MGAM: variants seen among roughly 807,000 people sequenced by gnomAD.
MGAM encodes the protein maltase-glucoamylase, also known as alpha-1,4-glucosidase.
In MGAM, 253 loss-of-function variants were observed where a neutral mutation model predicts 358.8. That is an observed-to-expected ratio of 0.71 (90% confidence interval 0.64 to 0.78). MGAM has a LOEUF of 0.78. MGAM is among the 30% of genes least tolerant of loss of function. MGAM has a pLI of 0.00. For missense variants in MGAM, 3,080 were observed against 3,432.6 expected, an observed-to-expected ratio of 0.90 and a Z score of 2.57; for synonymous variants, 1,105 against 1,227.1, an observed-to-expected ratio of 0.90 and a Z score of 2.08.
At position 142,086,593 on chromosome 7, in the gene MGAM, T is replaced by G. The variant is rs80057391; in HGVS notation, c.6748-62T>G. ...AACATGGTTTATATAATAATTTCTTTGGAAATACTATGTAAGGGAAATTGT... is the reference window on the plus strand; with the variant it reads ...AACATGGTTTATATAATAATTTCTTGGGAAATACTATGTAAGGGAAATTGT... On this transcript the variant is annotated intron_variant, in intron 56 of 70. Coordinates refer to ENST00000475668, the MANE Select transcript of MGAM (RefSeq NM_001365693.1). The G allele has an allele frequency of 2.8e-3, 2,385 of 863,336 alleles. 784 individuals carry two copies. Among genetic ancestry groups the G allele is most frequent in the Non-Finnish European group, 2.1e-3 (1,239 of 589,308 alleles). 53.5% of individuals were successfully genotyped at this position (863,336 alleles called of 1,614,324 possible).
At chr7:141,995,872 T>A (rs372088555), upstream of MGAM, 23 of 152,222 alleles carry the variant, frequency 1.5e-4, no homozygotes, top group African/African-American at 5.1e-4. Flanking sequence ...TGTGCTCCTC[T>A]GCTTTTATTG....
intron 50 of MGAM, 92 bp from the exon 51 acceptor site, chr7:142,081,950 A>T: frequency 7.9e-7 from 1 of 1,271,068 alleles, no homozygotes; most frequent in Non-Finnish European, 1.1e-6. Context: ...TCTGGGTAGG[A>T]ATCAAGTGTT....
At chr7:142,022,687 C>A (rs1554459416) in intron 7 of MGAM, among the ~76,000 whole-genome samples, 1 of 152,118 alleles carries the variant, frequency 6.6e-6, no homozygotes, top group Non-Finnish European at 1.5e-5. Context: ...TGAACAGATA[C>A]ATGTAATGTA....
At chr7:142,049,195 C>T (rs537050562) in intron 22 of MGAM, among the ~76,000 whole-genome samples, 1 of 152,164 alleles carries the variant, frequency 6.6e-6, no homozygotes, top group East Asian at 1.9e-4. Flanking sequence ...GAATTTTCTT[C>T]TTTTTATGTC....
At chr7:142,049,250 A>G (rs574717059) in intron 22 of MGAM, among the ~76,000 whole-genome samples, 3 of 152,290 alleles carry the variant, frequency 2.0e-5, no homozygotes, top group Admixed American at 6.5e-5. Flanking sequence ...TTCTTTATTC[A>G]TTCATCCATT....
chr7:141,995,619 C>T (rs2128972785), upstream of MGAM, among the ~76,000 whole-genome samples: 1 of 152,200 alleles, frequency 6.6e-6, no homozygotes, highest in Admixed American at 6.5e-5. Context: ...ACCAGACATA[C>T]AGGGTGTCCT....
At chr7:142,081,243 A>G (rs6972399) in intron 50 of MGAM, among the ~76,000 whole-genome samples, 26,650 of 146,098 alleles carry the variant, frequency 0.18, 6,598 homozygotes, top group African/African-American at 0.5. Context: ...AACAAATAAT[A>G]AGTAAATAAC....
At position 142,093,529 on chromosome 7, in the gene MGAM, C is replaced by A; in HGVS notation, c.7151C>A (p.Ser2384Tyr). 5 of 1,502,546 alleles carry A rather than the reference C, an allele frequency of 3.3e-6. No individual in the cohort carries two copies. In the South Asian group the frequency reaches 6.0e-5, roughly 18 times the overall value. 93.1% of individuals were successfully genotyped at this position (1,502,546 alleles called of 1,614,324 possible). The change falls in exon 60 of 71, where the codon TCC (serine) becomes TAC (tyrosine). Residue 2384 changes from serine (S) to tyrosine (Y), a missense_variant. By Grantham distance (144) the Ser-to-Tyr change is moderately radical. Around this residue, in one of 5 missense-constraint regions of MGAM, gnomAD observed 932 missense variants for 1,198.2 expected, o/e 0.78. Transcript: ENST00000475668. ...HYNVHNLYGW[S>Y]QTRPTYEAVQ... ...AATGTGCACAACCTGTACGGGTGGTCCCAGACCAGACCCACATACGAGTGA... is the reference window on the plus strand; with the variant it reads ...AATGTGCACAACCTGTACGGGTGGTACCAGACCAGACCCACATACGAGTGA...
intron 45 of MGAM, 94 bp downstream of exon 45, chr7:142,074,267 C>T: frequency 1.1e-6 from 1 of 927,118 alleles, no homozygotes; most frequent in Non-Finnish European, 1.6e-6. Flanking sequence ...TGGGAGAAAT[C>T]TCAGCAGGCA....
Position 142,092,556 on chromosome 7 carries a change from A to T in MGAM, c.6981A>T (p.Ala2327=). Residue 2327 remains alanine (A), a synonymous_variant, in exon 59 of 71, where the codon GCA becomes GCT. Transcript: ENST00000475668. Reference sequence around the variant, plus strand: ...AACCATCAAGCTTCGTGAATGGGGCAGTTTCTCCAGGCTGCAGGGATGCCT... The same window carrying T: ...AACCATCAAGCTTCGTGAATGGGGCTGTTTCTCCAGGCTGCAGGGATGCCT... ...MNEPSSFVNG[A]VSPGCRDASL... 1 of 1,549,592 alleles carries T rather than the reference A, an allele frequency of 6.5e-7. No homozygotes were observed. Among genetic ancestry groups the T allele is most frequent in the Non-Finnish European group, 8.9e-7 (1 of 1,129,276 alleles).
At chr7:142,070,949 G>T in intron 43 of MGAM, 45 bp from the exon 44 acceptor site, 1 of 1,551,602 alleles carries the variant, frequency 6.4e-7, no homozygotes, top group Non-Finnish European at 8.9e-7. Context: ...TTCAGGGAGG[G>T]GCCTGTCCTC....
Position 142,031,697 on chromosome 7 carries a change from T to C in MGAM, c.1488T>C (p.Thr496=), listed in dbSNP as rs782785200. The change falls in exon 13 of 71, where the codon ACT becomes ACC. Residue 496 remains threonine (T), a synonymous_variant. Transcript: ENST00000475668. The stretch of plus-strand genomic sequence containing the variant: ...TCCTGAAGGTCTGGCCTGGACAAAC[T>C]GTGTTTCCTGATTATACCAATCCCA... ...PLIGEVWPGQ[T]VFPDYTNPNC... The C allele has an allele frequency of 1.2e-6, 2 of 1,612,362 alleles. No homozygotes were observed. Among genetic ancestry groups the C allele is most frequent in the Admixed American group, 3.3e-5 (2 of 59,964 alleles).
chr7:142,076,092 G>T (rs1322554613), intron 45 of MGAM, 111 bp from the exon 46 acceptor site: 2 of 847,410 alleles, frequency 2.4e-6, no homozygotes, highest in Non-Finnish European at 3.9e-6. Context: ...TAAGGTAAAG[G>T]AAATACTGCC....
At chr7:142,033,123 A>G (rs1217154247) in intron 14 of MGAM, among the ~76,000 whole-genome samples, 2 of 152,216 alleles carry the variant, frequency 1.3e-5, no homozygotes, top group African/African-American at 4.8e-5. Flanking sequence ...GCAATCTAGT[A>G]CTTCTACTTA....
At position 142,106,097 on chromosome 7, in the gene MGAM, C is replaced by G; in HGVS notation, c.*206C>G. On this transcript the variant is annotated 3_prime_UTR_variant, in exon 71 of 71. Coordinates refer to ENST00000475668, the MANE Select transcript of MGAM (RefSeq NM_001365693.1). The stretch of plus-strand genomic sequence containing the variant: ...AGGCAGTTAGGGAGGTGTGGAAAAT[C>G]TATGCATTACCTTAATGTCTCTGTG... 1 of 477,022 alleles carries G rather than the reference C, an allele frequency of 2.1e-6. No individual in the cohort carries two copies. Among genetic ancestry groups the G allele is most frequent in the Non-Finnish European group, 3.9e-6 (1 of 259,052 alleles). 29.5% of individuals were successfully genotyped at this position (477,022 alleles called of 1,614,324 possible).
chr7:142,094,959 T>A lies in MGAM; in HGVS notation c.7458+96T>A, dbSNP rs376938659. 62 of 1,224,612 alleles carry A rather than the reference T, an allele frequency of 5.1e-5. No individual in the cohort carries two copies. The African/African-American group carries it at 1.1e-3, about 22-fold the overall frequency. 75.9% of individuals were successfully genotyped at this position (1,224,612 alleles called of 1,614,324 possible). ...CAGTCTGTATTTCCTGTGATATCTT[T>A]AAAATTTTTTTTTTTTTTCTTTTGA... On this transcript the variant is annotated intron_variant, in intron 63 of 70. Coordinates refer to ENST00000475668, the MANE Select transcript of MGAM (RefSeq NM_001365693.1).
chr7:142,037,730 A>T (rs945849382), intron 18 of MGAM, among the ~76,000 whole-genome samples: 4 of 152,154 alleles, frequency 2.6e-5, no homozygotes. Context: ...GAAGTTATGA[A>T]ATGTATTGAT....
At chr7:142,045,362 A>G (rs185618334) in intron 21 of MGAM, among the ~76,000 whole-genome samples, 7,797 of 88,410 alleles carry the variant, frequency 0.088, 392 homozygotes, top group Non-Finnish European at 0.13. Context: ...AATACATGAT[A>G]TATAATATAT....
chr7:142,091,116 G>A (rs1815342716), intron 57 of MGAM, among the ~76,000 whole-genome samples: 1 of 144,340 alleles, frequency 6.9e-6, no homozygotes, highest in Non-Finnish European at 1.6e-5. Context: ...GTGTAGTGGT[G>A]TGTGCCTGTA....
Sources: allele counts gnomAD v4.1 joint callset (sites outside exome capture counted in the v4.1 genomes callset), GRCh38; gene constraint gnomAD v4.1.1; regional missense constraint gnomAD v4.1.1; transcripts MANE v1.5; gene names NCBI Gene and HGNC (gene_info 2026-07-23, HGNC 2026-07-21).